Variants in DAB1 observed in about 807,000 individuals in gnomAD.
The protein encoded by DAB1 is DAB adaptor protein 1.
In DAB1, 15 loss-of-function variants were observed where a neutral mutation model predicts 64.6. The ratio of observed to expected loss-of-function variants is 0.23; its 90% CI spans 0.16 to 0.36. DAB1 has a LOEUF of 0.36. Ranked by LOEUF, DAB1 falls within the 10% of genes least tolerant of loss-of-function variation. The probability of loss-of-function intolerance (pLI) is 1.00; values close to 1 mark genes in which losing one functional copy is unlikely to be tolerated. For synonymous variants in DAB1, 235 were observed against 251.9 expected (o/e 0.93, Z 0.64); for missense variants, 596 against 706.7 (o/e 0.84, Z 1.78).
At position 57,495,594 on chromosome 1, in the gene DAB1, T is replaced by C. The variant is rs570193018; in HGVS notation, n.625+153998A>G. Among the ~76,000 whole-genome samples the C allele has an allele frequency of 2.0e-5, 3 of 152,296 alleles. No homozygotes were observed. In the South Asian group the frequency reaches 6.2e-4, roughly 32 times the overall value. ...ATGGCTGACTGCCAGTCAGCAGTGA[T>C]TGTAAGATGTCAGCAACTCTGGGAT... On this transcript the variant is annotated intron_variant and non_coding_transcript_variant, in intron 7 of 20. Coordinates refer to the DAB1 transcript ENST00000485760.
intron 6 of DAB1, among the ~76,000 whole-genome samples, chr1:57,693,649 T>C (rs923606825): frequency 6.6e-6 from 1 of 152,168 alleles, no homozygotes; most frequent in African/African-American, 2.4e-5. Context: ...CAATAAATCT[T>C]GCTGCTGCTC....
intron 6 of DAB1, among the ~76,000 whole-genome samples, chr1:57,683,185 T>C (rs1006154025): frequency 2.6e-5 from 4 of 152,168 alleles, no homozygotes; most frequent in Non-Finnish European, 2.9e-5. Context: ...GTGAGACATG[T>C]GGGTTCATGG....
At chr1:57,870,781 T>C (rs563305712) in intron 1 of DAB1, among the ~76,000 whole-genome samples, 3 of 152,214 alleles carry the variant, frequency 2.0e-5, no homozygotes, top group East Asian at 3.9e-4. Context: ...AAAAGGACAC[T>C]GGACTAGGAG....
At chr1:57,841,639 T>C (rs1101354) in intron 1 of DAB1, among the ~76,000 whole-genome samples, 2 of 152,132 alleles carry the variant, frequency 1.3e-5, no homozygotes, top group Non-Finnish European at 2.9e-5. Context: ...GCCTGAGCTG[T>C]ACCTTGGCCC....
At chr1:57,243,512 G>A (rs80066567) in intron 2 of DAB1, among the ~76,000 whole-genome samples, 1,702 of 151,996 alleles carry the variant, frequency 0.011, 34 homozygotes, top group African/African-American at 0.04. Context: ...CTAGGAATGA[G>A]GAGGGGAGAG....
rs147049401 is a variant in DAB1 at position 57,331,153 on chromosome 1, G to T, written c.-136-39987C>A. On this transcript the variant is annotated intron_variant, in intron 1 of 14. Transcript: ENST00000371236. ...GTAAATGCTATATTGTATTTTTTTT[G>T]ACTCTCTGTATCCACAAATGCTAGC... is the stretch of plus-strand genomic sequence containing the variant. 7.0e-4 allele frequency among the ~76,000 whole-genome samples: 106 copies of T among 151,898 alleles called. 2 individuals carry two copies. The East Asian group carries it at 0.015, about 21-fold the overall frequency.
chr1:57,886,591 C>A (rs1396508269), upstream of DAB1, among the ~76,000 whole-genome samples: 2 of 152,190 alleles, frequency 1.3e-5, no homozygotes, highest in South Asian at 4.1e-4. Context: ...TTAACACTCT[C>A]TGTAAGTCAT....
At chr1:57,846,571 A>G (rs1456358675) in intron 1 of DAB1, among the ~76,000 whole-genome samples, 3 of 152,092 alleles carry the variant, frequency 2.0e-5, no homozygotes, top group Non-Finnish European at 4.4e-5. Context: ...TTACTCTGCT[A>G]AGGTCTTTCC....
chr1:57,495,340 G>T (rs1048962986), intron 7 of DAB1, among the ~76,000 whole-genome samples: 1 of 152,154 alleles, frequency 6.6e-6, no homozygotes, highest in South Asian at 2.1e-4. Flanking sequence ...TTCCTACTTA[G>T]TAAGAAATAT....
chr1:57,569,578 C>G (rs1321825904), intron 7 of DAB1, among the ~76,000 whole-genome samples: 1 of 145,012 alleles, frequency 6.9e-6, no homozygotes, highest in East Asian at 2.3e-4. Flanking sequence ...AGAGGAACAT[C>G]ATACACCGGG....
At chr1:58,536,211 C>T (rs919882152) in intron 1 of DAB1, among the ~76,000 whole-genome samples, 1 of 152,076 alleles carries the variant, frequency 6.6e-6, no homozygotes, top group African/African-American at 2.4e-5. Context: ...AAGGATACCT[C>T]CTAGGGCCTG....
chr1:58,015,073 A>G (rs975627500), intron 5 of DAB1, among the ~76,000 whole-genome samples: 1 of 152,168 alleles, frequency 6.6e-6, no homozygotes, highest in Non-Finnish European at 1.5e-5. Flanking sequence ...AACAAGAGAG[A>G]GCAGAGAGGC....
chr1:57,088,987 G>GTT (rs763786947), intron 4 of DAB1, among the ~76,000 whole-genome samples: 34 of 152,312 alleles, frequency 2.2e-4, no homozygotes, highest in South Asian at 4.1e-4. Flanking sequence ...ACAGACCCTG[G>GTT]AGCCAGAGGT....
chr1:57,583,424 C>T (rs1373007406), intron 7 of DAB1, among the ~76,000 whole-genome samples: 3 of 151,636 alleles, frequency 2.0e-5, no homozygotes, highest in Non-Finnish European at 2.9e-5. Context: ...GTAGCTGGGA[C>T]TACACGCGCG....
chr1:58,442,630 A>G (rs900995684), intron 3 of DAB1, among the ~76,000 whole-genome samples: 1 of 152,256 alleles, frequency 6.6e-6, no homozygotes, highest in African/African-American at 2.4e-5. Context: ...CAATAAGCTC[A>G]GAAAAACCTG....
At chr1:57,890,841 A>C (rs1047063300) in intron 5 of DAB1, among the ~76,000 whole-genome samples, 3 of 152,166 alleles carry the variant, frequency 2.0e-5, no homozygotes, top group Non-Finnish European at 4.4e-5. Flanking sequence ...CTTCTGGCAC[A>C]ATGGACTGTA....
intron 2 of DAB1, among the ~76,000 whole-genome samples, chr1:57,240,173 A>G (rs1016508010): frequency 2.2e-4 from 34 of 152,326 alleles, no homozygotes; most frequent in African/African-American, 8.2e-4. Flanking sequence ...TAAATCCTCC[A>G]GTACCAAAAT....
chr1:58,085,027 T>C (rs1402288207), intron 5 of DAB1, among the ~76,000 whole-genome samples: 1 of 152,166 alleles, frequency 6.6e-6, no homozygotes, highest in Non-Finnish European at 1.5e-5. Flanking sequence ...GTAGAATACC[T>C]TTGGGATTTT....
At chr1:57,449,723 A>G (rs1022086654) in intron 7 of DAB1, among the ~76,000 whole-genome samples, 2 of 152,182 alleles carry the variant, frequency 1.3e-5, no homozygotes, top group Admixed American at 6.6e-5. Flanking sequence ...ACTCCCAGGC[A>G]GATGGTCAAT....
Sources: allele counts gnomAD v4.1 joint callset (sites outside exome capture counted in the v4.1 genomes callset), GRCh38; gene constraint gnomAD v4.1.1; transcripts MANE v1.5; gene names NCBI Gene and HGNC (gene_info 2026-07-23, HGNC 2026-07-21).